The following TRAPPC4 variants were observed in gnomAD, a reference collection of about 807,000 sequenced individuals.
TRAPPC4 encodes the protein TRS23 homolog.
In TRAPPC4, 30 loss-of-function variants were observed where a neutral mutation model predicts 23.5. The observed-to-expected ratio is 1.28, with a 90% confidence interval of 0.96 to 1.73. TRAPPC4 has a LOEUF of 1.73. Among genes scored for constraint, TRAPPC4 ranks in the 40% most tolerant of loss-of-function variants. The pLI, the probability that TRAPPC4 is intolerant of heterozygous loss-of-function variation, is 0.00. For synonymous variants in TRAPPC4, 129 were observed against 105.3 expected, an observed-to-expected ratio of 1.23 and a Z score of -1.38; for missense variants, 252 against 268.9, an observed-to-expected ratio of 0.94 and a Z score of 0.44.
At chr11:119,020,379 A>G in intron 3 of TRAPPC4, 126 bp downstream of exon 3, 1 of 702,392 alleles carries the variant, frequency 1.4e-6, no homozygotes, top group Non-Finnish European at 2.5e-6. Context: ...GGTTGACCAA[A>G]GACACCTTTG....
Position 119,019,170 on chromosome 11 carries a change from G to T in TRAPPC4, c.203G>T (p.Gly68Val), listed in dbSNP as rs1943259492. The change falls in exon 2 of 5, where the codon GGC becomes GTC. Residue 68 changes from glycine (G) to valine (V), a missense_variant. Gly to Val is a moderately radical substitution (Grantham distance 109). Coordinates refer to ENST00000533632, the MANE Select transcript of TRAPPC4 (RefSeq NM_016146.6). ...RVGHAVLAIN[G>V]MDVNGRYTAD... ...GGTCATGCAGTGCTGGCCATCAATG[G>T]CATGGACGTGAATGGCAGGTACACG... 1.2e-6 allele frequency: 2 copies of T among 1,614,068 alleles called. No homozygotes were observed. The highest frequency in any genetic ancestry group is 1.7e-6 in the Non-Finnish European group (2 of 1,180,030).
intron 3 of TRAPPC4, 110 bp from the exon 4 acceptor site, chr11:119,021,650 A>T: frequency 8.4e-7 from 1 of 1,185,884 alleles, no homozygotes; most frequent in African/African-American, 1.5e-5. Flanking sequence ...AATAAAATTA[A>T]AATAGGCTTA....
rs184200231 is a variant in TRAPPC4 at position 119,022,018 on chromosome 11, C to T, written c.581+132C>T. ...TTTGTTTTTGAGACGGAGTTTCGCT[C>T]TTGTTGCCCAGGCTGGAGTGCAATG... On this transcript the variant is annotated intron_variant, in intron 4 of 4. Coordinates refer to ENST00000533632, the MANE Select transcript of TRAPPC4 (RefSeq NM_016146.6). 2.1e-3 allele frequency: 2,508 copies of T among 1,209,302 alleles called. 25 individuals carry two copies. In the Admixed American group the frequency reaches 0.023, roughly 11 times the overall value. 74.9% of individuals were successfully genotyped at this position (1,209,302 alleles called of 1,614,324 possible).
At chr11:119,021,932 C>T (rs1943369225) in intron 4 of TRAPPC4, 46 bp downstream of exon 4, 3 of 1,606,942 alleles carry the variant, frequency 1.9e-6, no homozygotes, top group East Asian at 2.2e-5. Flanking sequence ...GTCCTTGCCC[C>T]TCCCTGTGTG....
chr11:119,019,864 TGCCGGCCTTTGCTTAAACA>T, intron 2 of TRAPPC4: 1 of 293,672 alleles, frequency 3.4e-6, no homozygotes. Flanking sequence ...ATATCAGATG[TGCCGGCCTTTGCTTAAACA>T]CAAGCTTAGT....
rs1943458349 is a variant in TRAPPC4 at position 119,023,514 on chromosome 11, G to A, written c.*115G>A. The stretch of plus-strand genomic sequence containing the variant: ...TTAGTGCACTTGAAAGTGGGAGAAT[G>A]CTGACCCTGATGACTTGTACTGATT... On this transcript the variant is annotated 3_prime_UTR_variant, in exon 5 of 5. Coordinates refer to ENST00000533632, the MANE Select transcript of TRAPPC4 (RefSeq NM_016146.6). 1.1e-6 allele frequency: 1 copy of A among 949,810 alleles called. No individual in the cohort carries two copies. Among genetic ancestry groups the A allele is most frequent in the Admixed American group, 1.9e-5 (1 of 52,784 alleles). 58.8% of individuals were successfully genotyped at this position (949,810 alleles called of 1,614,324 possible). A position where few individuals can be genotyped will look rare whatever the true frequency, so the allele number is the denominator to read the frequency against.
chr11:119,018,913 C>T lies in TRAPPC4; in HGVS notation c.118C>T (p.Leu40Phe), dbSNP rs1943245649. 3 of 1,614,002 alleles carry T rather than the reference C, an allele frequency of 1.9e-6. No individual in the cohort carries two copies. Among genetic ancestry groups the T allele is most frequent in the Non-Finnish European group, 2.5e-6 (3 of 1,180,040 alleles). Residue 40 changes from leucine to phenylalanine, a missense_variant, in exon 1 of 5, where the codon CTC (leucine) becomes TTC (phenylalanine). Transcript: ENST00000533632. Reference sequence around the variant, plus strand: ...TTTCAGTTATCCGCTGGATCTGCTGCTCAAGCTACACGATGAGCGTGTGTT... The same window carrying T: ...TTTCAGTTATCCGCTGGATCTGCTGTTCAAGCTACACGATGAGCGTGTGTT... ...KTFSYPLDLL[L>F]KLHDERVLVA...
In TRAPPC4 at chr11:119,019,199, G is replaced by T. The variant is rs782798173; in HGVS notation, c.232G>T (p.Asp78Tyr). Residue 78 changes from aspartate to tyrosine, a missense_variant, in exon 2 of 5, where the codon GAC becomes TAC. This residue lies in a region of TRAPPC4 where 222 missense variants were observed against 217.8 expected (regional missense o/e 1.02). Coordinates refer to ENST00000533632, the MANE Select transcript of TRAPPC4 (RefSeq NM_016146.6). ...GMDVNGRYTA[D>Y]GKEVLEYLGN... ...GGACGTGAATGGCAGGTACACGGCC[G>T]ACGGGAAAGAGGTGCTGGAGTATCT... 1.9e-6 allele frequency: 3 copies of T among 1,614,198 alleles called. No individual in the cohort carries two copies. Among genetic ancestry groups the T allele is most frequent in the Non-Finnish European group, 2.5e-6 (3 of 1,180,036 alleles).
In TRAPPC4 at chr11:119,020,161, TC is replaced by T; in HGVS notation, c.363del (p.Ile121MetfsTer30). 6.2e-7 allele frequency: 1 copy of T among 1,613,734 alleles called. No individual in the cohort carries two copies. The highest frequency in any genetic ancestry group is 8.5e-7 in the Non-Finnish European group (1 of 1,179,776). ...LASMFHSLFA[I>X]GSQLSPEQGS... ...TCCTTTGCATATAGGCTCTTTGCCA[TC>T]GGCTCCCAGCTGTCTCCTGAACAGG... On this transcript the variant is annotated frameshift_variant, in exon 3 of 5. Coordinates refer to ENST00000533632, the MANE Select transcript of TRAPPC4 (RefSeq NM_016146.6). LOFTEE classifies it high-confidence loss of function.
intron 2 of TRAPPC4, 78 bp downstream of exon 2, chr11:119,019,395 A>G (rs564638484): frequency 1.4e-6 from 2 of 1,458,138 alleles, no homozygotes; most frequent in African/African-American, 2.8e-5. Context: ...GTGTTATGAA[A>G]AACGCAACCG....
At chr11:119,019,447 C>T in intron 2 of TRAPPC4, 130 bp downstream of exon 2, 2 of 1,052,390 alleles carry the variant, frequency 1.9e-6, no homozygotes, top group East Asian at 2.6e-5. Flanking sequence ...GTGGTGTCAT[C>T]TTTTTTTGCT....
chr11:119,019,154 G>T lies in TRAPPC4; in HGVS notation c.187G>T (p.Val63Leu). The T allele has an allele frequency of 1.2e-6, 2 of 1,614,204 alleles. No homozygotes were observed. The highest frequency in any genetic ancestry group is 1.7e-6 in the Non-Finnish European group (2 of 1,180,014). Residue 63 changes from valine (V) to leucine (L), a missense_variant, in exon 2 of 5, where the codon GTG (valine) becomes TTG (leucine). Val to Leu is a conservative substitution (Grantham distance 32, BLOSUM62 1). Coordinates refer to ENST00000533632, the MANE Select transcript of TRAPPC4 (RefSeq NM_016146.6). ...QRDGIRVGHA[V>L]LAINGMDVNG... ...CTTCACCTCTGCAGTGGGTCATGCAGTGCTGGCCATCAATGGCATGGACGT... is the reference window on the plus strand; with the variant it reads ...CTTCACCTCTGCAGTGGGTCATGCATTGCTGGCCATCAATGGCATGGACGT...
At chr11:119,019,505 GA>G (rs1380160364) in intron 2 of TRAPPC4, 188 bp downstream of exon 2, 1 of 615,646 alleles carries the variant, frequency 1.6e-6, no homozygotes, top group Non-Finnish European at 2.8e-6. Flanking sequence ...GCAGTGGCGG[GA>G]TCTCGGCTCA....
chr11:119,021,105 T>C, intron 3 of TRAPPC4: 1 of 152,340 alleles, frequency 6.6e-6, no homozygotes, highest in Non-Finnish European at 1.5e-5. Flanking sequence ...GCCAGGCTGG[T>C]CTCGAACTCC....
chr11:119,019,243 C>T lies in TRAPPC4; in HGVS notation c.276C>T (p.Tyr92=). The T allele has an allele frequency of 6.2e-7, 1 of 1,614,168 alleles. No individual in the cohort carries two copies. Among genetic ancestry groups the T allele is most frequent in the South Asian group, 1.1e-5 (1 of 91,088 alleles). The change falls in exon 2 of 5, where the codon TAC becomes TAT. Residue 92 remains tyrosine, a synonymous_variant. Transcript: ENST00000533632. ...AGTATCTGGGTAACCCTGCTAATTACCCGGTGTCCATTCGATTTGGCCGGC... is the reference window on the plus strand; with the variant it reads ...AGTATCTGGGTAACCCTGCTAATTATCCGGTGTCCATTCGATTTGGCCGGC... ...VLEYLGNPAN[Y]PVSIRFGRPR...
chr11:119,020,172 C>T lies in TRAPPC4; in HGVS notation c.373C>T (p.Leu125=). 1 of 1,613,928 alleles carries T rather than the reference C, an allele frequency of 6.2e-7. No homozygotes were observed. The highest frequency in any genetic ancestry group is 8.5e-7 in the Non-Finnish European group (1 of 1,179,918). Residue 125 remains leucine (L), a synonymous_variant, in exon 3 of 5, where the codon CTG becomes TTG. Coordinates refer to ENST00000533632, the MANE Select transcript of TRAPPC4 (RefSeq NM_016146.6). ...TAGGCTCTTTGCCATCGGCTCCCAG[C>T]TGTCTCCTGAACAGGGAAGCTCAGG... ...FHSLFAIGSQ[L]SPEQGSSGIE...
At chr11:119,021,689 T>A in intron 3 of TRAPPC4, 71 bp from the exon 4 acceptor site, 2 of 1,549,816 alleles carry the variant, frequency 1.3e-6, no homozygotes, top group Non-Finnish European at 1.8e-6. Context: ...TTGAAAGTGC[T>A]GTACAAATAC....
In TRAPPC4 at chr11:119,018,801, G is replaced by A. The variant is rs1592093491; in HGVS notation, c.6G>A (p.Ala2=). The change falls in exon 1 of 5, where the codon GCG becomes GCA. Residue 2 remains alanine (A), a synonymous_variant. Coordinates refer to ENST00000533632, the MANE Select transcript of TRAPPC4 (RefSeq NM_016146.6). M[A]IFSVYVVNKA... ...TTCCGAGCGGCAAGGCAGCGATGGC[G>A]ATTTTTAGTGTGTATGTGGTGAACA... 2.5e-6 allele frequency: 4 copies of A among 1,612,086 alleles called. No individual in the cohort carries two copies. The East Asian group carries it at 6.7e-5, about 27-fold the overall frequency.
intron 4 of TRAPPC4, 28 bp from the exon 5 acceptor site, chr11:119,023,293 T>C (rs1456927482): frequency 1.9e-6 from 3 of 1,613,280 alleles, no homozygotes; most frequent in East Asian, 2.2e-5. Context: ...GCCTCACACT[T>C]TTTTTCCTCA....
Sources: allele counts gnomAD v4.1 joint callset, GRCh38; gene constraint gnomAD v4.1.1; regional missense constraint gnomAD v4.1.1; transcripts MANE v1.5; gene names NCBI Gene and HGNC (gene_info 2026-07-23, HGNC 2026-07-21).